Variants in HEXB observed in about 807,000 individuals in gnomAD.
HEXB encodes the protein hexosaminidase subunit beta, also known as beta-hexosaminidase subunit beta.
Under a neutral mutation model 71.2 loss-of-function variants are expected in HEXB, and 51 were observed. The observed-to-expected ratio is 0.72, with a 90% confidence interval of 0.57 to 0.90. The LOEUF (loss-of-function observed/expected upper bound fraction) is 0.90, where lower values mean the gene tolerates loss of function less well. Ranked by LOEUF, HEXB falls within the 40% of genes least tolerant of loss-of-function variation. The probability of loss-of-function intolerance (pLI) is 0.00; values close to 1 mark genes in which losing one functional copy is unlikely to be tolerated. For synonymous variants in HEXB, 266 were observed against 249.3 expected (o/e 1.07, Z -0.63); for missense variants, 617 against 677.0 (o/e 0.91, Z 0.98).
At chr5:74,667,181 G>A (rs924101488) in intron 1 of HEXB, among the ~76,000 whole-genome samples, 3 of 152,022 alleles carry the variant, frequency 2.0e-5, no homozygotes, top group Non-Finnish European at 2.9e-5. Flanking sequence ...TTGGGAGGCC[G>A]AGGCAGGCAG....
chr5:74,668,952 A>AT (rs1028016683), intron 1 of HEXB, among the ~76,000 whole-genome samples: 14 of 151,932 alleles, frequency 9.2e-5, no homozygotes, highest in African/African-American at 2.9e-4. Flanking sequence ...TTGTGCGGGC[A>AT]TTTTTTTCTT....
At chr5:74,694,691 A>T (rs928981979) in intron 3 of HEXB, among the ~76,000 whole-genome samples, 1 of 152,154 alleles carries the variant, frequency 6.6e-6, no homozygotes, top group Non-Finnish European at 1.5e-5. Flanking sequence ...GGGATTGATC[A>T]TAGTCACTCA....
chr5:74,699,337 C>A (rs1749204055), intron 5 of HEXB, among the ~76,000 whole-genome samples: 1 of 151,284 alleles, frequency 6.6e-6, no homozygotes, highest in African/African-American at 2.4e-5. Flanking sequence ...GCAGTTGGCA[C>A]AATCTCGGCT....
rs1171134502 is a variant in HEXB, at chr5:74,641,359, C to G, written c.-377+801C>G. The G allele has an allele frequency of 6.6e-6, 1 of 152,412 alleles. No homozygotes were observed. The highest frequency in any genetic ancestry group is 1.5e-5 in the Non-Finnish European group (1 of 68,208). The allele number at this position is 152,412 out of a possible 1,614,324, so 9.4% of individuals were successfully genotyped here. A position where few individuals can be genotyped will look rare whatever the true frequency, so the allele number is the denominator to read the frequency against. On this transcript the variant is annotated intron_variant, in intron 1 of 13. Transcript: ENST00000511181. This position sits in a 1 kb window ranked among gnomAD's most constrained non-coding sequence, Gnocchi z 4.1. ...GCAGAGAGCCAAAGAGACTCCAGCC[C>G]CAGGCATTTCCTATGTGTCCTCCCT...
intron 1 of HEXB, among the ~76,000 whole-genome samples, chr5:74,679,336 T>G (rs1220288647): frequency 6.6e-6 from 1 of 152,150 alleles, no homozygotes. Flanking sequence ...TATTGGAAAC[T>G]GGAGAAATAG....
In HEXB at chr5:74,720,623, A is replaced by T. The variant is rs765726303; in HGVS notation, c.1509-20A>T. 5.6e-6 allele frequency: 9 copies of T among 1,604,498 alleles called. No individual in the cohort carries two copies. In the Admixed American group the frequency reaches 8.3e-5, roughly 15 times the overall value. ...ATAAATTTAAACTGCTTGCGGGGGG[A>T]TGTGTGATTTAAATTTTAGGCCTCG... On this transcript the variant is annotated intron_variant, in intron 12 of 13. Coordinates refer to ENST00000261416, the MANE Select transcript of HEXB (RefSeq NM_000521.4).
intron 5 of HEXB, 64 bp from the exon 6 acceptor site, chr5:74,705,155 G>T: frequency 2.3e-6 from 2 of 877,276 alleles, no homozygotes; most frequent in Non-Finnish European, 1.9e-6. Context: ...TCCAAATGTA[G>T]ATAGGTAATA....
At chr5:74,704,041 A>C (rs533484220) in intron 5 of HEXB, among the ~76,000 whole-genome samples, 1 of 152,324 alleles carries the variant, frequency 6.6e-6, no homozygotes, top group East Asian at 1.9e-4. Context: ...CTCACTCTAC[A>C]ATTGCAGAGT....
intron 5 of HEXB, among the ~76,000 whole-genome samples, chr5:74,697,682 C>T (rs563794026): frequency 4.1e-5 from 6 of 147,034 alleles, no homozygotes; most frequent in South Asian, 2.2e-4. Context: ...GAGCCGAGAT[C>T]GCACCACCGC....
chr5:74,654,815 G>A (rs60141674), intron 1 of HEXB, among the ~76,000 whole-genome samples: 44,526 of 152,008 alleles, frequency 0.29, 7,220 homozygotes, highest in African/African-American at 0.4. Context: ...CAGGCCAGGG[G>A]CAGCTGTGAA....
chr5:74,714,220 CTTAA>C (rs968451763), intron 7 of HEXB, among the ~76,000 whole-genome samples: 5 of 152,132 alleles, frequency 3.3e-5, no homozygotes, highest in Non-Finnish European at 7.4e-5. Context: ...TCATTTTGTT[CTTAA>C]TTGTGATTGG....
chr5:74,689,960 G>GGC, intron 2 of HEXB: 1 of 171,908 alleles, frequency 5.8e-6, no homozygotes, highest in Non-Finnish European at 1.2e-5. Flanking sequence ...GTCACTATAT[G>GGC]GATGAGCTGA....
In HEXB at chr5:74,720,473, T is replaced by A; in HGVS notation, c.1463T>A (p.Leu488Gln). ...CTTTTCATTGGTGGAGAAGCTTGTCTATGGGGAGAATATGTGGATGCAACT... is the reference window on the plus strand; with the variant it reads ...CTTTTCATTGGTGGAGAAGCTTGTCAATGGGGAGAATATGTGGATGCAACT... ...KQLFIGGEACLWGEYVDATNL... is the reference protein window; with the variant it reads ...KQLFIGGEACQWGEYVDATNL... Residue 488 changes from leucine to glutamine, a missense_variant, in exon 12 of 14, where the codon CTA becomes CAA. Physicochemically the swap from Leu to Gln is moderately radical, Grantham distance 113. Transcript: ENST00000261416. 6.2e-7 allele frequency: 1 copy of A among 1,613,748 alleles called. No homozygotes were observed. The highest frequency in any genetic ancestry group is 8.5e-7 in the Non-Finnish European group (1 of 1,179,586).
chr5:74,652,369 G>A lies in HEXB; in HGVS notation c.-377+11811G>A, dbSNP rs925310461. Among the ~76,000 whole-genome samples the A allele has an allele frequency of 4.6e-5, 7 of 152,114 alleles. No individual in the cohort carries two copies. The highest frequency in any genetic ancestry group is 2.1e-4 in the South Asian group (1 of 4,826). ...GCTCTCCTAGTGTGTGGGCCTCCTGGCCCACGTGTCCAGCAAGCAAGCCAC... is the reference window on the plus strand; with the variant it reads ...GCTCTCCTAGTGTGTGGGCCTCCTGACCCACGTGTCCAGCAAGCAAGCCAC... On this transcript the variant is annotated intron_variant, in intron 1 of 13. Coordinates refer to the HEXB transcript ENST00000511181. This position sits in a 1 kb window ranked among gnomAD's most constrained non-coding sequence, Gnocchi z 5.4.
At chr5:74,661,513 CTGTGTGTGTGTGTGTGTGTGTG>C (rs1179218651) in intron 1 of HEXB, among the ~76,000 whole-genome samples, 7 of 84,928 alleles carry the variant, frequency 8.2e-5, no homozygotes, top group Non-Finnish European at 1.9e-4. Context: ...TTCTCTCTCT[CTGTGTGTGTGTGTGTGTGTGTG>C]TGTGTGTGTG....
At chr5:74,669,549 T>C (rs75179688) in intron 1 of HEXB, among the ~76,000 whole-genome samples, 8,453 of 152,214 alleles carry the variant, frequency 0.056, 813 homozygotes, top group African/African-American at 0.19. Flanking sequence ...CCCTGATCTG[T>C]CATGTCTCCT....
chr5:74,692,394 G>A (rs923601704), intron 2 of HEXB, among the ~76,000 whole-genome samples: 1 of 151,168 alleles, frequency 6.6e-6, no homozygotes, highest in Non-Finnish European at 1.5e-5. Flanking sequence ...CATGCCTACA[G>A]TCCCAGCTAC....
At chr5:74,655,312 CTTTTTTTTTTT>C (rs386404134) in intron 1 of HEXB, among the ~76,000 whole-genome samples, 1 of 125,132 alleles carries the variant, frequency 8.0e-6, no homozygotes, top group Non-Finnish European at 1.6e-5. Flanking sequence ...AAGCATTAAA[CTTTTTTTTTTT>C]TTTTTTTTTG....
chr5:74,660,268 G>A (rs1050543803), intron 1 of HEXB, among the ~76,000 whole-genome samples: 3 of 152,154 alleles, frequency 2.0e-5, no homozygotes, highest in South Asian at 2.1e-4. Flanking sequence ...CAAAGCCAAC[G>A]ATTACAATCC....
Sources: gnomAD v4.1 joint callset for allele counts (sites outside exome capture counted in the v4.1 genomes callset) on GRCh38, gnomAD v4.1.1 for gene constraint, Gnocchi (gnomAD v3.1) non-coding constraint, MANE v1.5 for transcripts, NCBI Gene and HGNC (gene_info 2026-07-23, HGNC 2026-07-21) for gene names.